NTRK2: variants seen among roughly 807,000 people sequenced by gnomAD.
NTRK2 encodes neurotrophic receptor tyrosine kinase 2, also known as BDNF/NT-3 growth factors receptor.
In NTRK2, 13 loss-of-function variants were observed where a neutral mutation model predicts 94.5. The ratio of observed to expected loss-of-function variants is 0.14; its 90% CI spans 0.09 to 0.22. The LOEUF (loss-of-function observed/expected upper bound fraction) is 0.22. Among genes scored for constraint, NTRK2 ranks in the 10% least tolerant of loss-of-function variants. The pLI is 1.00. For missense variants in NTRK2, 639 were observed against 1,071.2 expected (o/e 0.60, Z 5.63); for synonymous variants, 372 against 407.4 (o/e 0.91, Z 1.05).
At chr9:84,934,374 T>C (rs556541183) in intron 15 of NTRK2, 82 bp downstream of exon 15, 2 of 1,493,396 alleles carry the variant, frequency 1.3e-6, no homozygotes, top group Admixed American at 1.7e-5. Context: ...TATATTTTGG[T>C]GGCCAATGCA....
At chr9:84,899,313 A>G (rs2076855932) in intron 14 of NTRK2, among the ~76,000 whole-genome samples, 1 of 152,276 alleles carries the variant, frequency 6.6e-6, no homozygotes, top group Non-Finnish European at 1.5e-5. Flanking sequence ...ATCAAAAGTT[A>G]AATGTGTATT....
At chr9:84,875,949 A>G (rs945925091) in intron 14 of NTRK2, 7 of 1,038,822 alleles carry the variant, frequency 6.7e-6, no homozygotes, top group Non-Finnish European at 8.1e-6. Flanking sequence ...AAGAGATTAG[A>G]TATGTGTGAT....
Position 85,012,853 on chromosome 9 carries a change from G to A in NTRK2, c.2173-7353G>A, listed in dbSNP as rs748132268. Among the ~76,000 whole-genome samples, 125 of 152,200 alleles carry A rather than the reference G, an allele frequency of 8.2e-4. 1 individual carries two copies. The highest frequency in any genetic ancestry group is 1.5e-3 in the Non-Finnish European group (104 of 68,020). On this transcript the variant is annotated intron_variant, in intron 17 of 18. Coordinates refer to ENST00000277120, the MANE Select transcript of NTRK2 (RefSeq NM_006180.6). The stretch of plus-strand genomic sequence containing the variant: ...ACAGATGATAATTTGCCTTATTTTG[G>A]GAGAGTAGTTATTGAATGATGTAAA...
intron 14 of NTRK2, among the ~76,000 whole-genome samples, chr9:84,910,981 T>C (rs1241192358): frequency 6.6e-6 from 1 of 152,178 alleles, no homozygotes; most frequent in Non-Finnish European, 1.5e-5. Context: ...GTAAGTCAGT[T>C]TGAGGAGAAT....
intron 14 of NTRK2, among the ~76,000 whole-genome samples, chr9:84,915,220 T>C (rs2077360440): frequency 6.6e-6 from 1 of 152,122 alleles, no homozygotes; most frequent in Non-Finnish European, 1.5e-5. Flanking sequence ...TACCAGTCCA[T>C]AGTCAGGGGG....
At chr9:84,875,926 G>A (rs771592550) in intron 14 of NTRK2, 5 of 1,037,264 alleles carry the variant, frequency 4.8e-6, no homozygotes, top group Non-Finnish European at 5.8e-6. Context: ...AAATGAATAA[G>A]TTCCTGTGAT....
chr9:85,009,897 T>C (rs1172945099), intron 17 of NTRK2, among the ~76,000 whole-genome samples: 1 of 152,226 alleles, frequency 6.6e-6, no homozygotes, highest in Non-Finnish European at 1.5e-5. Context: ...CATAGCAGAA[T>C]GAACTTCCCC....
rs1385809099 is a variant in NTRK2 at position 84,724,210 on chromosome 9, T to A, written c.721-14T>A. On this transcript the variant is annotated splice_polypyrimidine_tract_variant and intron_variant, in intron 7 of 18. Transcript: ENST00000277120. ...CCTAATCAAGGTTATTTTTGTCTGT[T>A]AATTCATTTGTAGAATGAAACAAGC... is the stretch of plus-strand genomic sequence containing the variant. 2 of 1,614,036 alleles carry A rather than the reference T, an allele frequency of 1.2e-6. No homozygotes were observed. Among genetic ancestry groups the A allele is most frequent in the Non-Finnish European group, 1.7e-6 (2 of 1,179,962 alleles).
At chr9:84,924,325 G>A (rs1037217177) in intron 14 of NTRK2, among the ~76,000 whole-genome samples, 1 of 152,216 alleles carries the variant, frequency 6.6e-6, no homozygotes, top group Non-Finnish European at 1.5e-5. Flanking sequence ...TGCACACAGT[G>A]TGGGAGGTAC....
chr9:84,979,807 G>A (rs1172719786), intron 17 of NTRK2, among the ~76,000 whole-genome samples: 1 of 152,200 alleles, frequency 6.6e-6, no homozygotes, highest in Non-Finnish European at 1.5e-5. Flanking sequence ...ACAACCACCT[G>A]ACCAATCAGG....
chr9:84,805,736 C>A (rs2071034766), intron 12 of NTRK2, among the ~76,000 whole-genome samples: 1 of 152,168 alleles, frequency 6.6e-6, no homozygotes, highest in Non-Finnish European at 1.5e-5. Flanking sequence ...GGTCATGAGG[C>A]CTCTGCCCTC....
chr9:84,997,988 A>G (rs938613234), intron 17 of NTRK2, among the ~76,000 whole-genome samples: 1 of 152,176 alleles, frequency 6.6e-6, no homozygotes, highest in African/African-American at 2.4e-5. Context: ...ATCTGACTGC[A>G]CAGCATCTTG....
intron 2 of NTRK2, among the ~76,000 whole-genome samples, chr9:84,689,530 T>A (rs1004912478): frequency 2.6e-5 from 4 of 152,222 alleles, no homozygotes; most frequent in African/African-American, 9.6e-5. Flanking sequence ...TTTTCTCCAT[T>A]TTCTCTTTTA....
intron 14 of NTRK2, chr9:84,874,278 C>G: frequency 9.4e-7 from 1 of 1,065,502 alleles, no homozygotes; most frequent in Non-Finnish European, 1.1e-6. Flanking sequence ...ATTGAGTGCT[C>G]CCTCTGGTTA....
At chr9:84,721,826 A>G (rs982902425) in intron 6 of NTRK2, among the ~76,000 whole-genome samples, 1 of 152,212 alleles carries the variant, frequency 6.6e-6, no homozygotes, top group African/African-American at 2.4e-5. Flanking sequence ...TAATTTTTAT[A>G]GAATTATCAA....
intron 16 of NTRK2, among the ~76,000 whole-genome samples, chr9:84,953,913 G>A (rs559308259): frequency 3.9e-5 from 6 of 152,322 alleles, no homozygotes; most frequent in African/African-American, 1.4e-4. Context: ...GTGACAGAAT[G>A]ATTCCCGAAA....
intron 12 of NTRK2, among the ~76,000 whole-genome samples, chr9:84,832,081 C>A (rs1411433661): frequency 6.6e-6 from 1 of 152,184 alleles, no homozygotes; most frequent in African/African-American, 2.4e-5. Flanking sequence ...TTTCTTTCCA[C>A]CTTGACCTTC....
chr9:84,922,937 G>A (rs2132596227), intron 14 of NTRK2, among the ~76,000 whole-genome samples: 1 of 152,254 alleles, frequency 6.6e-6, no homozygotes, highest in South Asian at 2.1e-4. Flanking sequence ...TCTCAAATAA[G>A]CATATTAAAG....
intron 11 of NTRK2, among the ~76,000 whole-genome samples, chr9:84,751,122 C>T (rs1198922497): frequency 6.6e-6 from 1 of 152,178 alleles, no homozygotes; most frequent in African/African-American, 2.4e-5. Context: ...CCAGAAGTGC[C>T]CTCCTGCTCC....
Sources: gnomAD v4.1 joint callset for allele counts (sites outside exome capture counted in the v4.1 genomes callset) on GRCh38, gnomAD v4.1.1 for gene constraint, MANE v1.5 for transcripts, NCBI Gene and HGNC (gene_info 2026-07-23, HGNC 2026-07-21) for gene names.